VPS41: variants seen among roughly 807,000 people sequenced by gnomAD.
VPS41 encodes VPS41 subunit of HOPS complex.
Under a neutral mutation model 130.9 loss-of-function variants are expected in VPS41, and 85 were observed. That is an observed-to-expected ratio of 0.65 (90% confidence interval 0.55 to 0.78). The LOEUF (loss-of-function observed/expected upper bound fraction) is 0.78. Ranked by LOEUF, VPS41 falls within the 30% of genes least tolerant of loss-of-function variation. The pLI is 0.00. For synonymous variants in VPS41, 335 were observed against 332.9 expected (o/e 1.01, Z -0.07); for missense variants, 874 against 1,018.7 (o/e 0.86, Z 1.93).
intron 4 of VPS41, among the ~76,000 whole-genome samples, chr7:38,850,425 A>G (rs1785829644): frequency 6.6e-6 from 1 of 152,224 alleles, no homozygotes. Context: ...TTATGTAGGT[A>G]ACATTTTAAC....
chr7:38,770,101 C>A (rs1784125578), intron 14 of VPS41, among the ~76,000 whole-genome samples: 1 of 152,092 alleles, frequency 6.6e-6, no homozygotes, highest in African/African-American at 2.4e-5. Context: ...GAAGTCCCGT[C>A]TCTACTAAAA....
At chr7:38,886,240 C>T (rs1246072476) in intron 2 of VPS41, among the ~76,000 whole-genome samples, 1 of 152,146 alleles carries the variant, frequency 6.6e-6, no homozygotes, top group Non-Finnish European at 1.5e-5. Flanking sequence ...ATTTCCCTTT[C>T]TTAGTCAATG....
chr7:38,741,353 T>TA, intron 25 of VPS41: 2 of 355,716 alleles, frequency 5.6e-6, no homozygotes, highest in Non-Finnish European at 1.1e-5. Flanking sequence ...TAGTAATTGC[T>TA]AGAGTCTTTT....
At position 38,740,784 on chromosome 7, in the gene VPS41, T is replaced by C. The variant is rs1419529318; in HGVS notation, c.2259+1201A>G. ...ATACTACTGTCCCCTGTGGAGAAGC[T>C]GGAGCCTGGCTTAGAGCACCTTGTT... On this transcript the variant is annotated intron_variant, in intron 25 of 28. Transcript: ENST00000310301. Among the ~76,000 whole-genome samples, 4 of 152,194 alleles carry C rather than the reference T, an allele frequency of 2.6e-5. No homozygotes were observed. The South Asian group carries it at 6.2e-4, about 24-fold the overall frequency.
At chr7:38,747,097 T>G (rs1408750407) in intron 22 of VPS41, among the ~76,000 whole-genome samples, 3 of 152,200 alleles carry the variant, frequency 2.0e-5, no homozygotes, top group Admixed American at 1.3e-4. Flanking sequence ...CTTCCTTTAT[T>G]TTGATTAAAA....
At chr7:38,799,194 C>A (rs1326873344) in intron 7 of VPS41, among the ~76,000 whole-genome samples, 1 of 152,070 alleles carries the variant, frequency 6.6e-6, no homozygotes, top group East Asian at 1.9e-4. Context: ...GAGTAATCCC[C>A]AACTTGTGAC....
chr7:38,728,218 G>C, intron 27 of VPS41: 1 of 509,282 alleles, frequency 2.0e-6, no homozygotes, highest in Non-Finnish European at 3.5e-6. Context: ...ACATTACCTG[G>C]GAACTTGTTA....
chr7:38,772,719 T>C, intron 12 of VPS41, 82 bp from the exon 13 acceptor site: 1 of 864,118 alleles, frequency 1.2e-6, no homozygotes, highest in Non-Finnish European at 1.9e-6. Flanking sequence ...CTGGTTAGGT[T>C]ACCCAACCCA....
In VPS41 at chr7:38,730,809, T is replaced by G. The variant is rs1795648051; in HGVS notation, c.2260-2018A>C. Among the ~76,000 whole-genome samples, 3 of 152,182 alleles carry G rather than the reference T, an allele frequency of 2.0e-5. No homozygotes were observed. The South Asian group carries it at 6.2e-4, about 32-fold the overall frequency. On this transcript the variant is annotated intron_variant, in intron 25 of 28. Coordinates refer to ENST00000310301, the MANE Select transcript of VPS41 (RefSeq NM_014396.4). ...ATAAAACAATTTTAAAAAATGGCTC[T>G]GACTCTCGTGGGTGCTCCAGGCCCA...
intron 7 of VPS41, among the ~76,000 whole-genome samples, chr7:38,802,828 C>A (rs894957464): frequency 6.6e-6 from 1 of 152,126 alleles, no homozygotes; most frequent in African/African-American, 2.4e-5. Flanking sequence ...AAAAAAACTA[C>A]GCTTAAAAGC....
chr7:38,776,602 T>C, intron 11 of VPS41, 77 bp downstream of exon 11: 2 of 795,442 alleles, frequency 2.5e-6, no homozygotes, highest in South Asian at 1.5e-5. Flanking sequence ...CGTATGCTAC[T>C]GATGAACAAC....
intron 4 of VPS41, among the ~76,000 whole-genome samples, chr7:38,846,046 T>C (rs1785716873): frequency 6.6e-6 from 1 of 152,014 alleles, no homozygotes; most frequent in Middle Eastern, 3.2e-3. Flanking sequence ...ACCAAGTCAC[T>C]GGATTATTGC....
intron 12 of VPS41, 77 bp from the exon 13 acceptor site, chr7:38,772,714 T>G: frequency 1.1e-6 from 1 of 931,498 alleles, no homozygotes; most frequent in Non-Finnish European, 1.7e-6. Context: ...AGGACCTGGT[T>G]AGGTTACCCA....
intron 6 of VPS41, among the ~76,000 whole-genome samples, chr7:38,819,323 A>G (rs1785121843): frequency 6.6e-6 from 1 of 152,216 alleles, no homozygotes; most frequent in Non-Finnish European, 1.5e-5. Context: ...CTCATTGCTT[A>G]GTGCTGCTCC....
intron 4 of VPS41, among the ~76,000 whole-genome samples, chr7:38,848,570 A>T (rs1785777493): frequency 6.6e-6 from 1 of 152,180 alleles, no homozygotes; most frequent in Non-Finnish European, 1.5e-5. Flanking sequence ...GATAACGACT[A>T]ATGTTTACTA....
chr7:38,787,796 T>A (rs1198982595), intron 10 of VPS41, among the ~76,000 whole-genome samples: 1 of 152,206 alleles, frequency 6.6e-6, no homozygotes, highest in Admixed American at 6.5e-5. Flanking sequence ...AGGACTCTTA[T>A]CCAAACTATT....
intron 9 of VPS41, among the ~76,000 whole-genome samples, chr7:38,793,006 G>C (rs1468283582): frequency 6.6e-6 from 1 of 152,056 alleles, no homozygotes; most frequent in Non-Finnish European, 1.5e-5. Context: ...TTTCTCTCCA[G>C]ATCTCTGACC....
intron 7 of VPS41, among the ~76,000 whole-genome samples, chr7:38,814,573 C>T (rs1251704707): frequency 1.3e-5 from 2 of 152,050 alleles, no homozygotes; most frequent in Non-Finnish European, 2.9e-5. Context: ...TGGCGTGAAC[C>T]CGGCAGGCAG....
intron 4 of VPS41, among the ~76,000 whole-genome samples, chr7:38,861,065 A>G (rs1169298915): frequency 6.6e-6 from 1 of 152,186 alleles, no homozygotes. Flanking sequence ...GATACTATAA[A>G]TTACCTGAAA....
Sources: gnomAD v4.1 joint callset for allele counts (sites outside exome capture counted in the v4.1 genomes callset) on GRCh38, gnomAD v4.1.1 for gene constraint, MANE v1.5 for transcripts, NCBI Gene and HGNC (gene_info 2026-07-23, HGNC 2026-07-21) for gene names.